Variants in SRPK1 observed in about 807,000 individuals in gnomAD.
SRPK1 encodes SFRS protein kinase 1.
SRPK1 carries 52 observed loss-of-function variants against 89.5 expected under a neutral mutation model. The ratio of observed to expected loss-of-function variants is 0.58; its 90% CI spans 0.46 to 0.73. SRPK1 has a LOEUF of 0.73. SRPK1 is among the 30% of genes least tolerant of loss of function. The pLI is 0.00. For missense variants in SRPK1, 603 were observed against 780.6 expected (o/e 0.77, Z 2.71); for synonymous variants, 255 against 270.2 (o/e 0.94, Z 0.55).
intron 12 of SRPK1, among the ~76,000 whole-genome samples, chr6:35,858,513 T>C (rs1021867692): frequency 6.6e-6 from 1 of 152,158 alleles, no homozygotes; most frequent in Non-Finnish European, 1.5e-5. Flanking sequence ...AGAATCAGAA[T>C]GGCATCGGTC....
At chr6:35,864,719 A>T (rs1442387697) in intron 12 of SRPK1, among the ~76,000 whole-genome samples, 2 of 152,258 alleles carry the variant, frequency 1.3e-5, no homozygotes, top group African/African-American at 4.8e-5. Context: ...AAATCTGTAT[A>T]TAAAAAAGAT....
chr6:35,839,822 G>T (rs1452772388), intron 14 of SRPK1, among the ~76,000 whole-genome samples: 1 of 151,980 alleles, frequency 6.6e-6, no homozygotes, highest in Non-Finnish European at 1.5e-5. Context: ...TGGGATTACA[G>T]GTGCATACCA....
chr6:35,840,410 G>A (rs1053769274), intron 14 of SRPK1, among the ~76,000 whole-genome samples: 17 of 152,128 alleles, frequency 1.1e-4, no homozygotes, highest in African/African-American at 3.9e-4. Flanking sequence ...TTTTTGGCAG[G>A]ACCTGCAAAT....
intron 12 of SRPK1, among the ~76,000 whole-genome samples, chr6:35,865,170 T>A (rs1769866921): frequency 6.6e-6 from 1 of 152,080 alleles, no homozygotes; most frequent in Non-Finnish European, 1.5e-5. Flanking sequence ...TATTTAAAAA[T>A]AACTAGAAGA....
intron 14 of SRPK1, 79 bp from the exon 15 acceptor site, chr6:35,838,508 CAGA>C (rs1217250955): frequency 7.4e-7 from 1 of 1,351,476 alleles, no homozygotes; most frequent in East Asian, 2.4e-5. Flanking sequence ...TAGAAAACAG[CAGA>C]AGGAGCAGCA....
At position 35,870,961 on chromosome 6, in the gene SRPK1, TGAAAA is replaced by T; in HGVS notation, c.752-7_752-3del. 1.9e-6 allele frequency: 3 copies of T among 1,606,776 alleles called. No homozygotes were observed. Among genetic ancestry groups the T allele is most frequent in the Non-Finnish European group, 1.7e-6 (2 of 1,175,944 alleles). ...GTTTAGGCTGGGGAGCAGTACTGAC[TGAAAA>T]GAAAAGAAAACCAAGTAAGAATTCT... On this transcript the variant is annotated splice_polypyrimidine_tract_variant and splice_region_variant and intron_variant, in intron 8 of 15. Coordinates refer to ENST00000373825, the MANE Select transcript of SRPK1 (RefSeq NM_003137.5).
intron 2 of SRPK1, among the ~76,000 whole-genome samples, chr6:35,893,903 C>T (rs1192467721): frequency 2.6e-5 from 4 of 151,866 alleles, no homozygotes. Flanking sequence ...CGCAGCTACT[C>T]GGGAGGCTGA....
At chr6:35,865,367 C>CTG (rs767299372) in intron 12 of SRPK1, among the ~76,000 whole-genome samples, 23 of 152,172 alleles carry the variant, frequency 1.5e-4, no homozygotes, top group Admixed American at 5.2e-4. Context: ...AACAATCACA[C>CTG]TATCCAAAGC....
intron 6 of SRPK1, among the ~76,000 whole-genome samples, chr6:35,880,224 C>G (rs375028905): frequency 6.7e-6 from 1 of 150,190 alleles, no homozygotes; most frequent in Non-Finnish European, 1.5e-5. Context: ...GTACAATAAC[C>G]AAAATGAAAA....
Position 35,868,846 on chromosome 6 carries a change from T to C in SRPK1, c.1512+164A>G, listed in dbSNP as rs1014240089. Among the ~76,000 whole-genome samples the C allele has an allele frequency of 2.0e-5, 3 of 152,306 alleles. No individual in the cohort carries two copies. In the East Asian group the frequency reaches 5.8e-4, roughly 29 times the overall value. Reference sequence around the variant, plus strand: ...TACCATTCTACTTTCGTAAGTATATTTAAACTTTTCCATAGTAAAAGGTTT... The same window carrying C: ...TACCATTCTACTTTCGTAAGTATATCTAAACTTTTCCATAGTAAAAGGTTT... On this transcript the variant is annotated intron_variant, in intron 12 of 15. Coordinates refer to ENST00000373825, the MANE Select transcript of SRPK1 (RefSeq NM_003137.5).
rs796676700 is a variant in SRPK1 at position 35,892,204 on chromosome 6, TA to T, written c.75-1192del. On this transcript the variant is annotated intron_variant, in intron 2 of 15. Transcript: ENST00000373825. ...TAGGTAAAAATCATATTTCATTTTA[TA>T]ATGCATTAAAAATATTTACTGATTT... Among the ~76,000 whole-genome samples, 567 of 152,342 alleles carry T rather than the reference TA, an allele frequency of 3.7e-3. 2 individuals carry two copies. The highest frequency in any genetic ancestry group is 0.013 in the African/African-American group (530 of 41,584).
At chr6:35,874,988 G>C (rs1166804892) in intron 6 of SRPK1, among the ~76,000 whole-genome samples, 2 of 152,218 alleles carry the variant, frequency 1.3e-5, no homozygotes, top group South Asian at 4.1e-4. Context: ...GCACTACAGA[G>C]ATTTTAGTAG....
intron 13 of SRPK1, among the ~76,000 whole-genome samples, chr6:35,850,466 G>T (rs1276559689): frequency 6.6e-6 from 1 of 152,150 alleles, no homozygotes; most frequent in Non-Finnish European, 1.5e-5. Context: ...AATAGCCACA[G>T]ATCAAAAAGG....
chr6:35,861,204 G>A (rs1327594194), intron 12 of SRPK1, among the ~76,000 whole-genome samples: 2 of 152,228 alleles, frequency 1.3e-5, no homozygotes, highest in African/African-American at 4.8e-5. Context: ...CAGAAGGAAA[G>A]GGTCTGAGGA....
intron 13 of SRPK1, among the ~76,000 whole-genome samples, chr6:35,852,732 T>C (rs1157181051): frequency 1.3e-5 from 2 of 152,204 alleles, no homozygotes; most frequent in Non-Finnish European, 2.9e-5. Flanking sequence ...TTTGATAGTT[T>C]AAGGATTTTA....
At chr6:35,917,205 A>AC (rs1771129212) in intron 2 of SRPK1, among the ~76,000 whole-genome samples, 1 of 152,244 alleles carries the variant, frequency 6.6e-6, no homozygotes, top group South Asian at 2.1e-4. Context: ...TGTTTCATAG[A>AC]CACAGGACAG....
intron 2 of SRPK1, among the ~76,000 whole-genome samples, chr6:35,912,757 G>T (rs1371353370): frequency 6.6e-6 from 1 of 152,178 alleles, no homozygotes; most frequent in African/African-American, 2.4e-5. Flanking sequence ...TATTCCACAA[G>T]GTCTAAATTG....
chr6:35,902,666 A>C (rs1770768741), intron 2 of SRPK1, among the ~76,000 whole-genome samples: 1 of 152,212 alleles, frequency 6.6e-6, no homozygotes, highest in Admixed American at 6.5e-5. Context: ...TGTTGGAGGC[A>C]GGCTGAAATC....
intron 2 of SRPK1, among the ~76,000 whole-genome samples, chr6:35,919,731 C>T (rs1771186751): frequency 6.6e-6 from 1 of 152,178 alleles, no homozygotes; most frequent in Non-Finnish European, 1.5e-5. Flanking sequence ...TGTTATGCAT[C>T]CTACTGATAA....
Sources: gnomAD v4.1 joint callset for allele counts (sites outside exome capture counted in the v4.1 genomes callset) on GRCh38, gnomAD v4.1.1 for gene constraint, MANE v1.5 for transcripts, NCBI Gene and HGNC (gene_info 2026-07-23, HGNC 2026-07-21) for gene names.